The following ERMARD variants were observed in gnomAD, a reference collection of about 807,000 sequenced individuals.
ERMARD encodes the protein endoplasmic reticulum membrane-associated RNA degradation protein.
ERMARD carries 71 observed loss-of-function variants against 83.9 expected under a neutral mutation model. That is an observed-to-expected ratio of 0.85 (90% CI 0.70 to 1.03). The LOEUF is 1.03. ERMARD is among the 50% of genes least tolerant of loss of function. The pLI is 0.00. For synonymous variants in ERMARD, 284 were observed against 298.6 expected (o/e 0.95, Z 0.50); for missense variants, 838 against 810.9 (o/e 1.03, Z -0.41).
At position 169,781,576 on chromosome 6, in the gene ERMARD, C is replaced by G. The variant is rs1256776766; in HGVS notation, c.*63C>G. On this transcript the variant is annotated 3_prime_UTR_variant, in exon 18 of 18. Transcript: ENST00000366773. ...TTTAACAGCGTGTAAATTAAAAACC[C>G]AAAGACAGGGTGGAGTTGAGGGTCT... 28 of 1,457,314 alleles carry G rather than the reference C, an allele frequency of 1.9e-5. No individual in the cohort carries two copies. In the African/African-American group the frequency reaches 2.7e-4, roughly 14 times the overall value. The allele number at this position is 1,457,314 out of a possible 1,614,324, so 90.3% of individuals were successfully genotyped here.
chr6:169,752,116 T>C (rs938140437), intron 1 of ERMARD, among the ~76,000 whole-genome samples: 2 of 152,142 alleles, frequency 1.3e-5, no homozygotes, highest in African/African-American at 4.8e-5. Context: ...ATCTACTCCG[T>C]AGGCTGAGGT....
chr6:169,780,800 G>A (rs548164759), intron 17 of ERMARD, among the ~76,000 whole-genome samples: 103 of 152,232 alleles, frequency 6.8e-4, no homozygotes, highest in Non-Finnish European at 1.2e-3. Context: ...CAGGCTCTGC[G>A]TCTCTTGCAA....
intron 12 of ERMARD, chr6:169,771,642 C>A (rs546614275): frequency 6.6e-6 from 1 of 152,098 alleles, no homozygotes; most frequent in Admixed American, 6.5e-5. Flanking sequence ...CAAGTCCTCC[C>A]GTGTACGCGG....
At chr6:169,768,662 G>C (rs1387957348) in intron 11 of ERMARD, among the ~76,000 whole-genome samples, 1 of 152,144 alleles carries the variant, frequency 6.6e-6, no homozygotes, top group Non-Finnish European at 1.5e-5. Context: ...CTACTCAGGA[G>C]GCTGAGGCGA....
At position 169,773,221 on chromosome 6, in the gene ERMARD, A is replaced by G. The variant is rs1793181418; in HGVS notation, c.1234-98A>G. ...GCTGCATAGAATTATTTGAAGAAAG[A>G]TAATGAGAAATGGGGACTCTAAGTG... On this transcript the variant is annotated intron_variant, in intron 12 of 17. Coordinates refer to ENST00000366773, the MANE Select transcript of ERMARD (RefSeq NM_018341.3). 4.3e-6 allele frequency: 4 copies of G among 926,394 alleles called. 1 individual carries two copies. Among genetic ancestry groups the G allele is most frequent in the South Asian group, 3.3e-5 (2 of 60,904 alleles). The allele number at this position is 926,394 out of a possible 1,614,324, so 57.4% of individuals were successfully genotyped here.
At chr6:169,761,871 C>T (rs141365964) in intron 8 of ERMARD, among the ~76,000 whole-genome samples, 7 of 151,928 alleles carry the variant, frequency 4.6e-5, no homozygotes, top group Non-Finnish European at 7.4e-5. Context: ...TTAGTAGAGA[C>T]GGGGTTTCGT....
At chr6:169,772,810 A>AT (rs981855564) in intron 12 of ERMARD, among the ~76,000 whole-genome samples, 4 of 150,060 alleles carry the variant, frequency 2.7e-5, no homozygotes, top group African/African-American at 9.8e-5. Flanking sequence ...GTAGTTACAG[A>AT]TTTTTTAATT....
chr6:169,755,234 C>T (rs1554416287), intron 2 of ERMARD, 49 bp from the exon 3 acceptor site: 2 of 1,562,856 alleles, frequency 1.3e-6, no homozygotes, highest in Middle Eastern at 3.6e-4. Flanking sequence ...TATTTTATAT[C>T]ATGTGATATG....
At position 169,769,629 on chromosome 6, in the gene ERMARD, A is replaced by T; in HGVS notation, c.1149A>T (p.Ser383=). 6.2e-7 allele frequency: 1 copy of T among 1,613,490 alleles called. No homozygotes were observed. Among genetic ancestry groups the T allele is most frequent in the Middle Eastern group, 1.6e-4 (1 of 6,062 alleles). Residue 383 remains serine, a synonymous_variant, in exon 12 of 18, where the codon TCA becomes TCT. Transcript: ENST00000366773. Reference sequence around the variant, plus strand: ...GGGAGATCAACTTACATGAATTTTCAAAAGAAACAACTAATCAGTTGCTTG... The same window carrying T: ...GGGAGATCAACTTACATGAATTTTCTAAAGAAACAACTAATCAGTTGCTTG... ...SHGEINLHEF[S]KETTNQLLAF... is the part of the protein sequence containing the mutation.
intron 16 of ERMARD, 108 bp downstream of exon 16, chr6:169,776,781 C>A: frequency 7.7e-7 from 1 of 1,294,394 alleles, no homozygotes; most frequent in Non-Finnish European, 1.1e-6. Flanking sequence ...CTCACTGAAC[C>A]CCATCGACAG....
chr6:169,751,406 T>C, upstream of ERMARD: 1 of 1,614,156 alleles, frequency 6.2e-7, no homozygotes, highest in South Asian at 1.1e-5. Flanking sequence ...CTGAGGGGTC[T>C]GGTTCGGGGT....
rs143215528 is a variant in ERMARD, at chr6:169,755,404, G to A, written c.297G>A (p.Gln99=). ...AAATTCGATATGCACCGTGGTTCCA[G>A]TGGACAAGTTTTCCAGAGGTTTGGC... ...QFEIRYAPWF[Q]WTSFPELFPE... The change falls in exon 3 of 18, where the codon CAG becomes CAA. Residue 99 remains glutamine (Q), a synonymous_variant. Transcript: ENST00000366773. The A allele has an allele frequency of 1.2e-6, 2 of 1,614,134 alleles. No homozygotes were observed. The highest frequency in any genetic ancestry group is 1.1e-5 in the South Asian group (1 of 91,078).
At chr6:169,779,705 A>G (rs1276783263) in intron 17 of ERMARD, among the ~76,000 whole-genome samples, 1 of 152,308 alleles carries the variant, frequency 6.6e-6, no homozygotes, top group Non-Finnish European at 1.5e-5. Context: ...GTTGCCCTTC[A>G]GTGATCATCC....
intron 5 of ERMARD, among the ~76,000 whole-genome samples, chr6:169,757,011 G>A (rs895822417): frequency 6.6e-6 from 1 of 152,130 alleles, no homozygotes; most frequent in African/African-American, 2.4e-5. Context: ...AAGCAAAAGT[G>A]GAGACCCCTG....
rs188480447 is a variant in ERMARD at position 169,769,249 on chromosome 6, G to A, written c.1060-291G>A. 4.8e-3 allele frequency among the ~76,000 whole-genome samples: 737 copies of A among 152,296 alleles called. 10 individuals are homozygous for A. Among genetic ancestry groups the A allele is most frequent in the African/African-American group, 0.017 (692 of 41,554 alleles). Reference sequence around the variant, plus strand: ...TGATTTCTTTTATTGCCTTGGAAAAGCTCATTTGCAAATGTTCACACTCAG... The same window carrying A: ...TGATTTCTTTTATTGCCTTGGAAAAACTCATTTGCAAATGTTCACACTCAG... On this transcript the variant is annotated intron_variant, in intron 11 of 17. Transcript: ENST00000366773.
chr6:169,756,871 A>G, intron 5 of ERMARD, 63 bp downstream of exon 5: 1 of 1,441,096 alleles, frequency 6.9e-7, no homozygotes, highest in South Asian at 1.2e-5. Flanking sequence ...TGTTAAAGAC[A>G]TACCCAAGAC....
At chr6:169,765,566 A>G (rs1792092704) in intron 9 of ERMARD, among the ~76,000 whole-genome samples, 1 of 152,176 alleles carries the variant, frequency 6.6e-6, no homozygotes, top group Non-Finnish European at 1.5e-5. Context: ...TGCTTTTTGG[A>G]GAAAGTGGGA....
In ERMARD at chr6:169,751,649, C is replaced by G. The variant is rs553831450; in HGVS notation, c.-9C>G. On this transcript the variant is annotated 5_prime_UTR_variant, in exon 1 of 18. Transcript: ENST00000366773. ...CATTCACGCGCGCCGCAGCGGGGCA[C>G]CGGAAGTTATGGAGGTAGGGCGGGT... is the stretch of plus-strand genomic sequence containing the variant. The G allele has an allele frequency of 3.2e-6, 5 of 1,564,376 alleles. No individual in the cohort carries two copies. Among genetic ancestry groups the G allele is most frequent in the Non-Finnish European group, 4.3e-6 (5 of 1,154,458 alleles).
At position 169,759,679 on chromosome 6, in the gene ERMARD, C is replaced by T. The variant is rs564108739; in HGVS notation, c.606-159C>T. Among the ~76,000 whole-genome samples the T allele has an allele frequency of 1.5e-4, 23 of 152,352 alleles. No individual in the cohort carries two copies. In the South Asian group the frequency reaches 3.3e-3, roughly 22 times the overall value. ...TCAACTGATCTGCACGCCTCGGCCT[C>T]CCAGAGTTCTGGGATTACAGGCATG... On this transcript the variant is annotated intron_variant, in intron 6 of 17. Coordinates refer to ENST00000366773, the MANE Select transcript of ERMARD (RefSeq NM_018341.3).
Sources: gnomAD v4.1 joint callset for allele counts (sites outside exome capture counted in the v4.1 genomes callset) on GRCh38, gnomAD v4.1.1 for gene constraint, MANE v1.5 for transcripts, NCBI Gene and HGNC (gene_info 2026-07-23, HGNC 2026-07-21) for gene names.